The following NCOA3 variants were observed in gnomAD, a reference collection of about 807,000 sequenced individuals.
NCOA3 encodes nuclear receptor coactivator 3, also known as CBP-interacting protein.
NCOA3 carries 51 observed loss-of-function variants against 158.8 expected under a neutral mutation model. The observed-to-expected ratio is 0.32, with a 90% CI of 0.26 to 0.41. The LOEUF (loss-of-function observed/expected upper bound fraction) is 0.41, where lower values mean the gene tolerates loss of function less well. Ranked by LOEUF, NCOA3 falls within the 10% of genes least tolerant of loss-of-function variation. NCOA3 has a pLI of 1.00. For synonymous variants in NCOA3, 537 were observed against 592.4 expected (o/e 0.91, Z 1.36); for missense variants, 1,510 against 1,746.6 (o/e 0.86, Z 2.41).
chr20:47,525,629 C>T (rs1450316832), intron 1 of NCOA3, among the ~76,000 whole-genome samples: 1 of 141,134 alleles, frequency 7.1e-6, no homozygotes, highest in African/African-American at 2.8e-5. Context: ...CCCCCACCTC[C>T]CTCCCGGACG....
At chr20:47,595,591 A>G (rs1027937632) in intron 2 of NCOA3, among the ~76,000 whole-genome samples, 2 of 152,216 alleles carry the variant, frequency 1.3e-5, no homozygotes, top group African/African-American at 4.8e-5. Context: ...AGTTCTATCT[A>G]AACTGTTAGA....
At chr20:47,530,749 G>T (rs1037584637) in intron 1 of NCOA3, among the ~76,000 whole-genome samples, 11 of 152,268 alleles carry the variant, frequency 7.2e-5, no homozygotes, top group Admixed American at 2.6e-4. Flanking sequence ...ACAGGCGTGG[G>T]CCACTGCGCC....
chr20:47,519,995 C>T (rs1006723870), intron 1 of NCOA3, among the ~76,000 whole-genome samples: 21 of 138,926 alleles, frequency 1.5e-4, no homozygotes, highest in African/African-American at 5.1e-4. Flanking sequence ...AACTCCTGAC[C>T]TTGTGATCCG....
At chr20:47,648,691 T>C (rs2086730950) in intron 18 of NCOA3, among the ~76,000 whole-genome samples, 1 of 151,914 alleles carries the variant, frequency 6.6e-6, no homozygotes, top group Non-Finnish European at 1.5e-5. Context: ...TCTCAGACTC[T>C]TGGGCTCAAG....
At chr20:47,541,255 T>C (rs1037270231) in intron 1 of NCOA3, among the ~76,000 whole-genome samples, 2 of 151,356 alleles carry the variant, frequency 1.3e-5, no homozygotes, top group African/African-American at 2.4e-5. Context: ...GTAGCATTCA[T>C]GATTAACTTC....
chr20:47,518,420 G>GTTTT lies in NCOA3; in HGVS notation c.-99+16414_-99+16417dup, dbSNP rs35593021. On this transcript the variant is annotated intron_variant, in intron 1 of 22. Coordinates refer to ENST00000371998, the MANE Select transcript of NCOA3 (RefSeq NM_181659.3). ...AAATAATAGAGGATTTTCTTTTTCT[G>GTTTT]TTTTTTTTTTTTTTTTGAGACAGAG... Among the ~76,000 whole-genome samples, 904 of 132,866 alleles carry GTTTT rather than the reference G, an allele frequency of 6.8e-3. 12 individuals are homozygous for GTTTT. Among genetic ancestry groups the GTTTT allele is most frequent in the Middle Eastern group, 0.027 (7 of 260 alleles). 87.2% of individuals were successfully genotyped at this position (132,866 alleles called of 152,430 possible). A position where few individuals can be genotyped will look rare whatever the true frequency, so the allele number is the denominator to read the frequency against.
intron 1 of NCOA3, among the ~76,000 whole-genome samples, chr20:47,549,439 G>T (rs997946996): frequency 3.3e-5 from 5 of 151,390 alleles, no homozygotes; most frequent in Non-Finnish European, 5.9e-5. Context: ...AGGTACCTGC[G>T]GTCCCAGCTA....
intron 1 of NCOA3, among the ~76,000 whole-genome samples, chr20:47,520,241 A>C (rs918277904): frequency 4.0e-5 from 6 of 151,310 alleles, no homozygotes; most frequent in African/African-American, 1.5e-4. Flanking sequence ...CCTGGCTTTT[A>C]AAGGAACAGG....
chr20:47,502,137 T>C (rs1005813924), intron 1 of NCOA3, 118 bp downstream of exon 1: 25 of 397,216 alleles, frequency 6.3e-5, no homozygotes, highest in Non-Finnish European at 1.0e-4. Flanking sequence ...GCCAAGGCAC[T>C]GAGGGGCGCG....
intron 2 of NCOA3, among the ~76,000 whole-genome samples, chr20:47,592,038 C>T (rs1368384258): frequency 6.6e-6 from 1 of 152,002 alleles, no homozygotes; most frequent in African/African-American, 2.4e-5. Flanking sequence ...ACTTGCTAGG[C>T]CATTTGATTT....
At chr20:47,522,570 C>G (rs996121632) in intron 1 of NCOA3, among the ~76,000 whole-genome samples, 1 of 152,044 alleles carries the variant, frequency 6.6e-6, no homozygotes, top group African/African-American at 2.4e-5. Context: ...ATATATGCAG[C>G]GGCTGGAGGA....
intron 2 of NCOA3, among the ~76,000 whole-genome samples, chr20:47,597,565 T>C (rs1164168173): frequency 6.6e-6 from 1 of 151,338 alleles, no homozygotes; most frequent in Non-Finnish European, 1.5e-5. Context: ...CTCGGCTAAC[T>C]GTAACCTCTG....
At chr20:47,553,417 C>CT (rs1205604475) in intron 1 of NCOA3, among the ~76,000 whole-genome samples, 1 of 151,782 alleles carries the variant, frequency 6.6e-6, no homozygotes, top group African/African-American at 2.4e-5. Context: ...TATTATTATA[C>CT]TTTAAGTTTT....
chr20:47,563,432 G>A (rs557235525), intron 1 of NCOA3, among the ~76,000 whole-genome samples: 2 of 152,234 alleles, frequency 1.3e-5, no homozygotes, highest in Non-Finnish European at 2.9e-5. Context: ...GGCTATCTCT[G>A]TACTTGGTCT....
chr20:47,622,324 G>T lies in NCOA3; in HGVS notation c.77G>T (p.Gly26Val). The change falls in exon 3 of 23, where the codon GGA (glycine) becomes GTA (valine). Residue 26 changes from glycine to valine, a missense_variant. Gly to Val is a moderately radical substitution (Grantham distance 109, BLOSUM62 -3). This residue lies in a region of NCOA3 where 309 missense variants were observed against 427.1 expected (regional missense o/e 0.72). Transcript: ENST00000371998. ...RKRKLPCDTP[G>V]QGLTCSGEKR... ...CGCAAATTGCCATGTGATACTCCAG[G>T]ACAAGGGTAGGTGACTTATTTCCTG... The T allele has an allele frequency of 6.3e-7, 1 of 1,597,842 alleles. No homozygotes were observed. Among genetic ancestry groups the T allele is most frequent in the Non-Finnish European group, 8.5e-7 (1 of 1,172,108 alleles).
At chr20:47,518,743 C>T (rs1049000289) in intron 1 of NCOA3, among the ~76,000 whole-genome samples, 1 of 151,718 alleles carries the variant, frequency 6.6e-6, no homozygotes, top group Non-Finnish European at 1.5e-5. Context: ...ATTTTTAAAG[C>T]TTATAAAAGG....
At chr20:47,638,964 A>G (rs2086561143) in intron 13 of NCOA3, 44 bp from the exon 14 acceptor site, 1 of 1,462,076 alleles carries the variant, frequency 6.8e-7, no homozygotes, top group East Asian at 2.4e-5. Context: ...GATTATTTAT[A>G]TATTAAATCA....
chr20:47,503,171 T>A (rs2083969238), intron 1 of NCOA3, among the ~76,000 whole-genome samples: 2 of 152,140 alleles, frequency 1.3e-5, no homozygotes, highest in African/African-American at 4.8e-5. Context: ...TCTCTTTGAT[T>A]TAAATGCCTG....
intron 1 of NCOA3, among the ~76,000 whole-genome samples, chr20:47,505,001 TGG>T (rs2084003894): frequency 4.2e-5 from 5 of 118,196 alleles, no homozygotes; most frequent in Non-Finnish European, 5.2e-5. Context: ...TTTGGGTTTT[TGG>T]TTTTTTTTTT....
Sources: allele counts gnomAD v4.1 joint callset (sites outside exome capture counted in the v4.1 genomes callset), GRCh38; gene constraint gnomAD v4.1.1; regional missense constraint gnomAD v4.1.1; transcripts MANE v1.5; gene names NCBI Gene and HGNC (gene_info 2026-07-23, HGNC 2026-07-21).